The following SNX10 variants were observed in gnomAD, a reference collection of about 807,000 sequenced individuals.
SNX10 encodes the protein sorting nexin-10.
SNX10 carries 25 observed loss-of-function variants against 28.5 expected under a neutral mutation model. That is an observed-to-expected ratio of 0.88 (90% CI 0.64 to 1.22). SNX10 has a LOEUF of 1.22. Ranked by LOEUF, SNX10 falls within the 50% of genes most tolerant of loss-of-function variation. SNX10 has a pLI of 0.00. For synonymous variants in SNX10, 62 were observed against 81.4 expected, an observed-to-expected ratio of 0.76 and a Z score of 1.28; for missense variants, 223 against 242.6, an observed-to-expected ratio of 0.92 and a Z score of 0.54.
Position 26,372,470 on chromosome 7 carries a change from T to C in SNX10, c.525-21T>C, listed in dbSNP as rs201239104. On this transcript the variant is annotated intron_variant, in intron 6 of 6. Transcript: ENST00000338523. ...AACCAATTTCCTCTTTTTATTATTT[T>C]CCCCCTCTCTTCTTTTCCAGTTCAT... is the stretch of plus-strand genomic sequence containing the variant. 8 of 1,498,410 alleles carry C rather than the reference T, an allele frequency of 5.3e-6. No homozygotes were observed. In the African/African-American group the frequency reaches 5.5e-5, roughly 10 times the overall value. The allele number at this position is 1,498,410 out of a possible 1,614,324, so 92.8% of individuals were successfully genotyped here.
At chr7:26,350,876 A>T (rs3823943) in intron 2 of SNX10, among the ~76,000 whole-genome samples, 61,787 of 151,980 alleles carry the variant, frequency 0.41, 13,783 homozygotes, top group South Asian at 0.61. Context: ...GCGCTACATT[A>T]GTGTTACAGG....
At chr7:26,308,856 G>T (rs1399318025) in intron 1 of SNX10, among the ~76,000 whole-genome samples, 1 of 152,150 alleles carries the variant, frequency 6.6e-6, no homozygotes, top group African/African-American at 2.4e-5. Context: ...ATGTCCCCAG[G>T]TAGGTAGGGT....
chr7:26,331,791 A>G (rs1000732934), intron 1 of SNX10, among the ~76,000 whole-genome samples: 4 of 137,176 alleles, frequency 2.9e-5, no homozygotes, highest in Non-Finnish European at 6.3e-5. Flanking sequence ...GCTACAAGCA[A>G]CCAGTAGTCT....
intron 1 of SNX10, among the ~76,000 whole-genome samples, chr7:26,345,835 CA>C (rs1430160822): frequency 6.6e-6 from 1 of 152,112 alleles, no homozygotes; most frequent in African/African-American, 2.4e-5. Context: ...GTTTAAAGAA[CA>C]ATTGACAACC....
intron 1 of SNX10, among the ~76,000 whole-genome samples, chr7:26,293,785 A>G (rs1786011816): frequency 6.6e-6 from 1 of 152,150 alleles, no homozygotes; most frequent in Non-Finnish European, 1.5e-5. Context: ...AGGCTGGTAC[A>G]CACTTCCTCT....
chr7:26,347,253 A>G (rs1364330606), intron 2 of SNX10, among the ~76,000 whole-genome samples: 1 of 152,226 alleles, frequency 6.6e-6, no homozygotes, highest in Non-Finnish European at 1.5e-5. Context: ...TAGCTCTCAC[A>G]TCTTTAATTT....
At chr7:26,298,268 C>T (rs555340096) in intron 1 of SNX10, among the ~76,000 whole-genome samples, 2 of 152,290 alleles carry the variant, frequency 1.3e-5, no homozygotes, top group East Asian at 3.9e-4. Flanking sequence ...GTTGCAATAT[C>T]TATAACAGGC....
intron 1 of SNX10, among the ~76,000 whole-genome samples, chr7:26,308,259 G>A (rs1391138250): frequency 6.6e-6 from 1 of 152,054 alleles, no homozygotes; most frequent in Non-Finnish European, 1.5e-5. Flanking sequence ...ATCTTCCCCT[G>A]TGTTTCCATA....
intron 2 of SNX10, among the ~76,000 whole-genome samples, chr7:26,353,363 T>C (rs1398628753): frequency 6.6e-6 from 1 of 151,878 alleles, no homozygotes; most frequent in Non-Finnish European, 1.5e-5. Flanking sequence ...ATATGAAATG[T>C]GCTAGATTTT....
intron 1 of SNX10, among the ~76,000 whole-genome samples, chr7:26,333,653 A>G (rs909722704): frequency 2.0e-5 from 3 of 152,172 alleles, no homozygotes; most frequent in Non-Finnish European, 4.4e-5. Flanking sequence ...ATATTTAGGT[A>G]GTACTTTGAT....
intron 1 of SNX10, among the ~76,000 whole-genome samples, chr7:26,292,402 C>T (rs1259775445): frequency 3.9e-5 from 6 of 152,114 alleles, no homozygotes; most frequent in Non-Finnish European, 8.8e-5. Flanking sequence ...GGAAGAAGTG[C>T]TGTGGCACCT....
rs147534919 is a variant in SNX10 at position 26,358,997 on chromosome 7, G to A, written c.25-1978G>A. Among the ~76,000 whole-genome samples the A allele has an allele frequency of 5.2e-3, 781 of 151,574 alleles. 7 individuals are homozygous for A. The highest frequency in any genetic ancestry group is 0.018 in the African/African-American group (729 of 41,248). ...ATTTTTGTATTTTTAGTAGAGATGGGGTTTCACTATGTTGGCCAGGCTGGT... is the reference window on the plus strand; with the variant it reads ...ATTTTTGTATTTTTAGTAGAGATGGAGTTTCACTATGTTGGCCAGGCTGGT... On this transcript the variant is annotated intron_variant, in intron 2 of 6. Transcript: ENST00000338523.
At chr7:26,343,612 T>C (rs941527367) in intron 1 of SNX10, among the ~76,000 whole-genome samples, 1 of 152,200 alleles carries the variant, frequency 6.6e-6, no homozygotes, top group African/African-American at 2.4e-5. Flanking sequence ...AAGTGATTTC[T>C]GTGCAGAATC....
chr7:26,312,001 TA>T (rs1203820887), intron 1 of SNX10, among the ~76,000 whole-genome samples: 1 of 152,090 alleles, frequency 6.6e-6, no homozygotes, highest in East Asian at 1.9e-4. Flanking sequence ...GTAGGACAAA[TA>T]AGTCTTGCAC....
intron 1 of SNX10, among the ~76,000 whole-genome samples, chr7:26,326,409 C>T (rs1322887953): frequency 1.3e-5 from 2 of 152,208 alleles, no homozygotes; most frequent in Non-Finnish European, 2.9e-5. Context: ...CCCTCCCCAT[C>T]CGAGTCCAGT....
chr7:26,312,266 G>C (rs1169062971), intron 1 of SNX10, among the ~76,000 whole-genome samples: 1 of 152,140 alleles, frequency 6.6e-6, no homozygotes, highest in East Asian at 1.9e-4. Context: ...AAGCCTGGAA[G>C]CCATAAGGAA....
chr7:26,338,469 A>C (rs982889327), intron 1 of SNX10, among the ~76,000 whole-genome samples: 1 of 151,672 alleles, frequency 6.6e-6, no homozygotes, highest in Non-Finnish European at 1.5e-5. Flanking sequence ...TCTGTTGCCC[A>C]GGCCTGGAGT....
intron 1 of SNX10, among the ~76,000 whole-genome samples, chr7:26,345,063 C>T (rs141598958): frequency 4.3e-4 from 65 of 152,302 alleles, no homozygotes; most frequent in African/African-American, 1.4e-3. Context: ...TCCTCTCTTT[C>T]TCTTATATGG....
chr7:26,363,727 C>T (rs1239721190), intron 3 of SNX10, among the ~76,000 whole-genome samples: 3 of 151,670 alleles, frequency 2.0e-5, no homozygotes, highest in African/African-American at 7.3e-5. Flanking sequence ...TGGCTTTTTC[C>T]AAGTCTGCCT....
Sources: allele counts gnomAD v4.1 joint callset (sites outside exome capture counted in the v4.1 genomes callset), GRCh38; gene constraint gnomAD v4.1.1; transcripts MANE v1.5; gene names NCBI Gene and HGNC (gene_info 2026-07-23, HGNC 2026-07-21).